Variants in FRYL observed in about 807,000 individuals in gnomAD.
FRYL encodes protein furry homolog-like.
FRYL carries 150 observed loss-of-function variants against 351.2 expected under a neutral mutation model. That is an observed-to-expected ratio of 0.43 (90% CI 0.37 to 0.49). The LOEUF (loss-of-function observed/expected upper bound fraction) is 0.49, where lower values mean the gene tolerates loss of function less well. Ranked by LOEUF, FRYL falls within the 20% of genes least tolerant of loss-of-function variation. The pLI is 0.00. For synonymous variants in FRYL, 1,153 were observed against 1,257.1 expected (o/e 0.92, Z 1.75); for missense variants, 3,036 against 3,619.3 (o/e 0.84, Z 4.13).
Position 48,581,274 on chromosome 4 carries a change from T to C in FRYL, c.2172+146A>G, listed in dbSNP as rs1457755316. ...GGATGGTCTCGATCTCCTGATCTCG[T>C]GATCCGCCCGACTCGGCCTCCCAAT... is the stretch of plus-strand genomic sequence containing the variant. On this transcript the variant is annotated intron_variant, in intron 21 of 63. Coordinates refer to ENST00000358350, the MANE Select transcript of FRYL (RefSeq NM_015030.2). 4.8e-5 allele frequency: 30 copies of C among 620,826 alleles called. No homozygotes were observed. In the East Asian group the frequency reaches 8.5e-4, roughly 17 times the overall value. The allele number at this position is 620,826 out of a possible 1,614,324, so 38.5% of individuals were successfully genotyped here. A position where few individuals can be genotyped will look rare whatever the true frequency, so the allele number is the denominator to read the frequency against.
At chr4:48,668,527 A>C (rs1762140421) in intron 3 of FRYL, among the ~76,000 whole-genome samples, 1 of 152,240 alleles carries the variant, frequency 6.6e-6, no homozygotes, top group African/African-American at 2.4e-5. Flanking sequence ...CTTGTTAACA[A>C]GTAAAAACTT....
At chr4:48,775,418 T>C (rs1302533076) in intron 1 of FRYL, among the ~76,000 whole-genome samples, 1 of 152,216 alleles carries the variant, frequency 6.6e-6, no homozygotes, top group Non-Finnish European at 1.5e-5. Flanking sequence ...CTCAAAAGTC[T>C]GCTAAATGAA....
chr4:48,555,431 T>C (rs1560595792), intron 35 of FRYL, among the ~76,000 whole-genome samples: 1 of 152,160 alleles, frequency 6.6e-6, no homozygotes. Flanking sequence ...GAAAGATCAA[T>C]GAAGAAGGGA....
Position 48,500,041 on chromosome 4 carries a change from G to T in FRYL, c.8772C>A (p.Val2924=). Residue 2924 remains valine (V), a synonymous_variant, in exon 63 of 64, where the codon GTC becomes GTA. Transcript: ENST00000358350. ...CCGTCACGTTTTACCTGAAAGCTTT[G>T]ACTTGTGCTACAGCTGATATAAATT... ...NKEFISAVAQ[V]KAFRSLWPSD... 2 of 1,584,034 alleles carry T rather than the reference G, an allele frequency of 1.3e-6. No homozygotes were observed. Among genetic ancestry groups the T allele is most frequent in the South Asian group, 1.2e-5 (1 of 84,158 alleles).
intron 1 of FRYL, among the ~76,000 whole-genome samples, chr4:48,715,275 C>T (rs1276106865): frequency 6.6e-6 from 1 of 151,616 alleles, no homozygotes; most frequent in Admixed American, 6.6e-5. Flanking sequence ...CTGGCCAGGG[C>T]AATCAGGCAG....
intron 35 of FRYL, among the ~76,000 whole-genome samples, chr4:48,553,794 G>A (rs1296488908): frequency 5.9e-5 from 9 of 151,640 alleles, no homozygotes; most frequent in Non-Finnish European, 1.2e-4. Flanking sequence ...CTTTTATTCC[G>A]CCTTCCCCAT....
chr4:48,541,768 A>T (rs763704644), intron 45 of FRYL, among the ~76,000 whole-genome samples: 5 of 152,156 alleles, frequency 3.3e-5, no homozygotes, highest in Non-Finnish European at 7.4e-5. Flanking sequence ...CAGGATGCTG[A>T]ATCCTGAATG....
In FRYL at chr4:48,500,225, A is replaced by G. The variant is rs1405657287; in HGVS notation, c.8593-5T>C. On this transcript the variant is annotated splice_polypyrimidine_tract_variant and splice_region_variant and intron_variant, in intron 62 of 63. Coordinates refer to ENST00000358350, the MANE Select transcript of FRYL (RefSeq NM_015030.2). ...TTCCTCTGACATGTTGATGACCTAAAACAAATACATCTTTAAGGATCTATT... is the reference window on the plus strand; with the variant it reads ...TTCCTCTGACATGTTGATGACCTAAGACAAATACATCTTTAAGGATCTATT... The G allele has an allele frequency of 6.4e-7, 1 of 1,551,158 alleles. No homozygotes were observed. Among genetic ancestry groups the G allele is most frequent in the South Asian group, 1.2e-5 (1 of 81,336 alleles).
At chr4:48,741,318 C>A (rs1487390730) in intron 1 of FRYL, among the ~76,000 whole-genome samples, 1 of 152,030 alleles carries the variant, frequency 6.6e-6, no homozygotes, top group African/African-American at 2.4e-5. Flanking sequence ...CCGAGGCAGG[C>A]GGATCACGAA....
chr4:48,701,712 C>T (rs1216016458), intron 2 of FRYL, among the ~76,000 whole-genome samples: 1 of 152,152 alleles, frequency 6.6e-6, no homozygotes. Context: ...AAGATACACG[C>T]TAAGAAGTCA....
At chr4:48,522,331 G>A (rs1725076644) in intron 54 of FRYL, among the ~76,000 whole-genome samples, 1 of 152,156 alleles carries the variant, frequency 6.6e-6, no homozygotes. Flanking sequence ...AACCATAGCT[G>A]GTGCCTGGTC....
intron 60 of FRYL, chr4:48,505,306 A>T (rs755409653): frequency 3.9e-5 from 21 of 541,440 alleles, no homozygotes; most frequent in Non-Finnish European, 7.1e-5. Flanking sequence ...CATCAAGCTT[A>T]TCTATTGGAT....
At chr4:48,695,811 A>G (rs1766105630) in intron 2 of FRYL, among the ~76,000 whole-genome samples, 2 of 152,216 alleles carry the variant, frequency 1.3e-5, no homozygotes, top group Non-Finnish European at 2.9e-5. Context: ...CAGAATCTAC[A>G]AGGAACTTAA....
chr4:48,659,140 C>T (rs1759902540), intron 3 of FRYL, among the ~76,000 whole-genome samples: 2 of 151,830 alleles, frequency 1.3e-5, no homozygotes, highest in Admixed American at 1.3e-4. Context: ...TGCTTGAGGC[C>T]AGGAGATCAA....
chr4:48,560,552 T>A (rs1350999888), intron 33 of FRYL, among the ~76,000 whole-genome samples: 2 of 152,078 alleles, frequency 1.3e-5, no homozygotes, highest in Non-Finnish European at 2.9e-5. Context: ...GCTGGACTCC[T>A]CTACTTTCTG....
intron 15 of FRYL, among the ~76,000 whole-genome samples, chr4:48,594,647 C>G (rs1183505352): frequency 6.6e-6 from 1 of 152,190 alleles, no homozygotes; most frequent in Non-Finnish European, 1.5e-5. Flanking sequence ...TAGTAAATAA[C>G]AATGTACTAA....
At chr4:48,581,000 A>G (rs781373114) in intron 21 of FRYL, 49 bp from the exon 22 acceptor site, 1 of 1,257,826 alleles carries the variant, frequency 8.0e-7, no homozygotes, top group Non-Finnish European at 1.1e-6. Flanking sequence ...TGTTTAAGCA[A>G]AGTAGCCAAA....
intron 5 of FRYL, among the ~76,000 whole-genome samples, chr4:48,621,261 G>C (rs1750582482): frequency 6.6e-6 from 1 of 152,184 alleles, no homozygotes; most frequent in Admixed American, 6.5e-5. Context: ...ATGACAAAGA[G>C]GAGAATTATA....
intron 2 of FRYL, among the ~76,000 whole-genome samples, chr4:48,696,866 ATC>A (rs1169868569): frequency 6.8e-6 from 1 of 147,838 alleles, no homozygotes; most frequent in East Asian, 1.9e-4. Context: ...CTATCTATCT[ATC>A]TATCTATCTA....
Sources: allele counts gnomAD v4.1 joint callset (sites outside exome capture counted in the v4.1 genomes callset), GRCh38; gene constraint gnomAD v4.1.1; transcripts MANE v1.5; gene names NCBI Gene and HGNC (gene_info 2026-07-23, HGNC 2026-07-21).